The following LRRK1 variants were observed in gnomAD, a reference collection of about 807,000 sequenced individuals.
LRRK1 encodes the protein leucine rich repeat kinase 1.
A neutral mutation model predicts 209.1 loss-of-function variants in LRRK1; 113 were observed. The ratio of observed to expected loss-of-function variants is 0.54; its 90% CI spans 0.46 to 0.63. The LOEUF is 0.63. LRRK1 is among the 30% of genes least tolerant of loss of function. The pLI, the probability that LRRK1 is intolerant of heterozygous loss-of-function variation, is 0.00. For missense variants in LRRK1, 2,284 were observed against 2,632.2 expected, an observed-to-expected ratio of 0.87 and a Z score of 2.89; for synonymous variants, 1,144 against 1,099.7, an observed-to-expected ratio of 1.04 and a Z score of -0.80.
intron 27 of LRRK1, among the ~76,000 whole-genome samples, chr15:101,055,426 T>C (rs1596335000): frequency 6.6e-6 from 1 of 152,126 alleles, no homozygotes; most frequent in South Asian, 2.1e-4. Flanking sequence ...TGTAGCAAAG[T>C]TGACTTCTCC....
intron 9 of LRRK1, among the ~76,000 whole-genome samples, chr15:101,011,621 G>A (rs1193813479): frequency 6.6e-6 from 1 of 151,968 alleles, no homozygotes; most frequent in Non-Finnish European, 1.5e-5. Flanking sequence ...TGTGTGTTAT[G>A]GCTGTTGGTT....
chr15:100,956,743 G>A (rs1450554897), intron 2 of LRRK1, among the ~76,000 whole-genome samples: 1 of 152,020 alleles, frequency 6.6e-6, no homozygotes, highest in African/African-American at 2.4e-5. Context: ...GATTGCAGGC[G>A]TGAGCCACCA....
At chr15:100,990,720 G>GT (rs34973825) in intron 6 of LRRK1, among the ~76,000 whole-genome samples, 26,889 of 138,558 alleles carry the variant, frequency 0.19, 2,868 homozygotes, top group African/African-American at 0.3. Flanking sequence ...ACTTTGGAGG[G>GT]TTTTTTTTTT....
intron 6 of LRRK1, among the ~76,000 whole-genome samples, chr15:100,992,524 T>G (rs1022463327): frequency 3.3e-5 from 5 of 152,224 alleles, no homozygotes; most frequent in Non-Finnish European, 5.9e-5. Flanking sequence ...TAGCCAGAGA[T>G]TTATGTTAAA....
At chr15:100,940,204 GCT>G (rs147527161) in intron 2 of LRRK1, among the ~76,000 whole-genome samples, 1 of 149,896 alleles carries the variant, frequency 6.7e-6, no homozygotes, top group Non-Finnish European at 1.5e-5. Context: ...CACATGTCCT[GCT>G]CTCTCTCTCT....
At chr15:101,065,214 A>G in intron 31 of LRRK1, 138 bp from the exon 32 acceptor site, 1 of 973,280 alleles carries the variant, frequency 1.0e-6, no homozygotes, top group Non-Finnish European at 1.5e-6. Context: ...TTTCTAAGAG[A>G]TTTGCTGCCC....
chr15:100,978,988 C>A (rs1279877248), intron 3 of LRRK1, among the ~76,000 whole-genome samples: 4 of 152,052 alleles, frequency 2.6e-5, no homozygotes, highest in Non-Finnish European at 5.9e-5. Flanking sequence ...TGCAAAAATT[C>A]TTCACAAAAT....
At chr15:101,030,884 T>C in intron 20 of LRRK1, among the ~76,000 whole-genome samples, 1 of 152,126 alleles carries the variant, frequency 6.6e-6, no homozygotes, top group Admixed American at 6.5e-5. Context: ...TGCACCCTAT[T>C]TGTGTCTTTT....
intron 4 of LRRK1, among the ~76,000 whole-genome samples, chr15:100,986,836 C>T (rs1215023161): frequency 1.3e-5 from 2 of 152,216 alleles, no homozygotes; most frequent in Non-Finnish European, 2.9e-5. Flanking sequence ...CAGGGCTCTG[C>T]AGAAGCTTCC....
In LRRK1 at chr15:101,074,260, C is replaced by CCGCT. The variant is rs1379438950; in HGVS notation, c.*5414_*5417dup. On this transcript the variant is annotated 3_prime_UTR_variant, in exon 34 of 34. Coordinates refer to ENST00000388948, the MANE Select transcript of LRRK1 (RefSeq NM_024652.6). ...CTAGGTCCCAATTCTTCCTCAGCCT[C>CCGCT]CGCTCCTCCACCATATAATCTTTTT... The CCGCT allele has an allele frequency of 5.3e-5, 8 of 152,160 alleles. No homozygotes were observed. Among genetic ancestry groups the CCGCT allele is most frequent in the Admixed American group, 3.9e-4 (6 of 15,284 alleles). The allele number at this position is 152,160 out of a possible 1,614,324, so 9.4% of individuals were successfully genotyped here. A position where few individuals can be genotyped will look rare whatever the true frequency, so the allele number is the denominator to read the frequency against.
At position 101,077,840 on chromosome 15, in the gene LRRK1, G is replaced by C. The variant is rs182648997; in HGVS notation, c.*8992G>C. The stretch of plus-strand genomic sequence containing the variant: ...CTTATTAATATAAGAAGGCAGGAAT[G>C]TCAGGCCTCTGAGCCCAAGCTAAGC... On this transcript the variant is annotated 3_prime_UTR_variant, in exon 34 of 34. Coordinates refer to ENST00000388948, the MANE Select transcript of LRRK1 (RefSeq NM_024652.6). 6.6e-6 allele frequency: 1 copy of C among 152,188 alleles called. No individual in the cohort carries two copies. Among genetic ancestry groups the C allele is most frequent in the Non-Finnish European group, 1.5e-5 (1 of 68,046 alleles). 9.4% of individuals were successfully genotyped at this position (152,188 alleles called of 1,614,324 possible).
At chr15:101,003,996 C>T (rs2032825899) in intron 6 of LRRK1, among the ~76,000 whole-genome samples, 1 of 152,168 alleles carries the variant, frequency 6.6e-6, no homozygotes, top group Non-Finnish European at 1.5e-5. Context: ...TCCCCAAAAC[C>T]CTTCCTACAA....
chr15:100,930,533 C>A (rs769585906), intron 2 of LRRK1, among the ~76,000 whole-genome samples: 1 of 152,338 alleles, frequency 6.6e-6, no homozygotes, highest in East Asian at 1.9e-4. Context: ...TGGCCTCCCC[C>A]ACCCCACACT....
In LRRK1 at chr15:101,033,836, C is replaced by T. The variant is rs139486711; in HGVS notation, c.2963+4604C>T. Among the ~76,000 whole-genome samples the T allele has an allele frequency of 3.8e-3, 584 of 152,260 alleles. 8 individuals carry two copies. Among genetic ancestry groups the T allele is most frequent in the South Asian group, 0.025 (120 of 4,830 alleles). ...TTCTATTTTTAGTTGTTTGAGAAAT[C>T]GCCATACTATTTTCCACAGAGGCTG... On this transcript the variant is annotated intron_variant, in intron 20 of 33. Coordinates refer to ENST00000388948, the MANE Select transcript of LRRK1 (RefSeq NM_024652.6).
intron 21 of LRRK1, among the ~76,000 whole-genome samples, chr15:101,046,582 T>G (rs1315809023): frequency 6.6e-6 from 1 of 152,212 alleles, no homozygotes; most frequent in Admixed American, 6.5e-5. Flanking sequence ...AGCACGGTTT[T>G]GCCGTCCTGG....
chr15:100,996,763 G>T (rs557674551), intron 6 of LRRK1, among the ~76,000 whole-genome samples: 1 of 152,296 alleles, frequency 6.6e-6, no homozygotes, highest in Admixed American at 6.5e-5. Context: ...TCGTCCTGCT[G>T]GATTTTAAGA....
chr15:101,017,113 A>G (rs1294196651), intron 12 of LRRK1, among the ~76,000 whole-genome samples: 1 of 152,256 alleles, frequency 6.6e-6, no homozygotes. Context: ...ATGCTGGCCC[A>G]GAAAACCAGA....
At chr15:101,012,745 C>T (rs2033326815) in intron 10 of LRRK1, among the ~76,000 whole-genome samples, 3 of 152,306 alleles carry the variant, frequency 2.0e-5, no homozygotes, top group South Asian at 4.1e-4. Context: ...TTGTGTGCGG[C>T]GACCCCCACA....
Position 100,973,945 on chromosome 15 carries a change from A to C in LRRK1, c.239A>C (p.Gln80Pro). 8.0e-7 allele frequency: 1 copy of C among 1,256,628 alleles called. No homozygotes were observed. The highest frequency in any genetic ancestry group is 1.0e-6 in the Non-Finnish European group (1 of 994,898). The allele number at this position is 1,256,628 out of a possible 1,614,324, so 77.8% of individuals were successfully genotyped here. A position where few individuals can be genotyped will look rare whatever the true frequency, so the allele number is the denominator to read the frequency against. The change falls in exon 3 of 34, where the codon CAG becomes CCG. Residue 80 changes from glutamine to proline, a missense_variant. Physicochemically the swap from Gln to Pro is moderately conservative, Grantham distance 76 (BLOSUM62 -1). Around this residue, in one of 6 missense-constraint regions of LRRK1, gnomAD observed 174 missense variants for 133.5 expected, o/e 1.30. Transcript: ENST00000388948. The part of the protein sequence containing the change: ...ARDLLEEACD[Q>P]CASQLEKGQL... The stretch of plus-strand genomic sequence containing the variant: ...GACCTGCTGGAGGAGGCCTGCGACC[A>C]GTGCGCGTCCCAGCTGGAAAAGGTA...
Sources: allele counts gnomAD v4.1 joint callset (sites outside exome capture counted in the v4.1 genomes callset), GRCh38; gene constraint gnomAD v4.1.1; regional missense constraint gnomAD v4.1.1; transcripts MANE v1.5; gene names NCBI Gene and HGNC (gene_info 2026-07-23, HGNC 2026-07-21).